NFATC1: variants seen among roughly 807,000 people sequenced by gnomAD.
The protein encoded by NFATC1 is nuclear factor of activated T-cells, cytoplasmic 1.
NFATC1 carries 22 observed loss-of-function variants against 76.0 expected under a neutral mutation model. The ratio of observed to expected loss-of-function variants is 0.29; its 90% CI spans 0.21 to 0.41. The LOEUF (loss-of-function observed/expected upper bound fraction) is 0.41. NFATC1 is among the 10% of genes least tolerant of loss of function. NFATC1 has a pLI of 1.00. For synonymous variants in NFATC1, 704 were observed against 613.1 expected, an observed-to-expected ratio of 1.15 and a Z score of -2.19; for missense variants, 1,357 against 1,337.7, an observed-to-expected ratio of 1.01 and a Z score of -0.23.
intron 9 of NFATC1, among the ~76,000 whole-genome samples, chr18:79,495,784 G>A (rs930622033): frequency 1.1e-4 from 16 of 151,786 alleles, no homozygotes; most frequent in African/African-American, 3.4e-4. Flanking sequence ...TCATTGTAAC[G>A]TAGGCAGGCC....
chr18:79,459,097 G>A (rs918197575), intron 6 of NFATC1, among the ~76,000 whole-genome samples: 1 of 152,244 alleles, frequency 6.6e-6, no homozygotes, highest in African/African-American at 2.4e-5. Flanking sequence ...AGGAAGGCAG[G>A]GATGTTTGTC....
chr18:79,402,719 G>A lies in NFATC1; in HGVS notation c.127+6368G>A, dbSNP rs534833579. ...GTTCTTTATGTATCTCATATGTTAC[G>A]TGTACATATTGTGTTTTCCCGTGAG... On this transcript the variant is annotated intron_variant, in intron 1 of 9. Transcript: ENST00000427363. Among the ~76,000 whole-genome samples the A allele has an allele frequency of 3.9e-5, 6 of 152,308 alleles. No individual in the cohort carries two copies. The South Asian group carries it at 8.3e-4, about 21-fold the overall frequency.
At chr18:79,478,200 C>T (rs111565371) in intron 8 of NFATC1, among the ~76,000 whole-genome samples, 2 of 150,916 alleles carry the variant, frequency 1.3e-5, no homozygotes, top group Non-Finnish European at 2.9e-5. Context: ...ACCAACCACA[C>T]AGGAAGCCAA....
intron 8 of NFATC1, among the ~76,000 whole-genome samples, chr18:79,484,989 A>G (rs939931444): frequency 5.9e-5 from 9 of 152,224 alleles, no homozygotes; most frequent in East Asian, 1.9e-4. Context: ...GAACAGCTGC[A>G]TGGACTCACG....
In NFATC1 at chr18:79,434,251, G is replaced by A. The variant is rs1422847373; in HGVS notation, c.1386+513G>A. On this transcript the variant is annotated intron_variant, in intron 3 of 9. Coordinates refer to ENST00000427363, the MANE Select transcript of NFATC1 (RefSeq NM_001278669.2). ...TGGGCCTGGCAGCCACATCCCTGCC[G>A]GGGTAGGCCTGGGCCTGGCAACCCT... Among the ~76,000 whole-genome samples, 7 of 152,170 alleles carry A rather than the reference G, an allele frequency of 4.6e-5. No individual in the cohort carries two copies. In the East Asian group the frequency reaches 7.7e-4, roughly 17 times the overall value.
intron 9 of NFATC1, among the ~76,000 whole-genome samples, chr18:79,505,765 C>A (rs547522995): frequency 1.4e-5 from 2 of 144,596 alleles, no homozygotes; most frequent in East Asian, 2.0e-4. Context: ...GTGGATGAGA[C>A]CCTTGGGTGA....
chr18:79,511,752 G>A lies in NFATC1; in HGVS notation c.2783-15776G>A, dbSNP rs560796507. 2.3e-3 allele frequency among the ~76,000 whole-genome samples: 356 copies of A among 152,176 alleles called. 1 individual carries two copies. The highest frequency in any genetic ancestry group is 8.0e-3 in the African/African-American group (333 of 41,556). On this transcript the variant is annotated intron_variant, in intron 9 of 9. Coordinates refer to ENST00000427363, the MANE Select transcript of NFATC1 (RefSeq NM_001278669.2). ...TGCGTGGTTTCGAGGCTCTCAGTGGGGGGCCAGCCGGTGAGGCACTGAGCT... is the reference window on the plus strand; with the variant it reads ...TGCGTGGTTTCGAGGCTCTCAGTGGAGGGCCAGCCGGTGAGGCACTGAGCT...
chr18:79,432,696 G>A (rs1165485663), intron 2 of NFATC1, among the ~76,000 whole-genome samples: 1 of 152,208 alleles, frequency 6.6e-6, no homozygotes, highest in Non-Finnish European at 1.5e-5. Flanking sequence ...TGGTGCACCG[G>A]GGCAGGCCAC....
At chr18:79,509,485 G>A (rs1246505978) in intron 9 of NFATC1, among the ~76,000 whole-genome samples, 4 of 152,224 alleles carry the variant, frequency 2.6e-5, no homozygotes, top group Non-Finnish European at 2.9e-5. Context: ...CGCAGATGCC[G>A]GCCCGGTGAT....
chr18:79,466,808 C>T (rs1472705480), intron 7 of NFATC1, among the ~76,000 whole-genome samples: 1 of 152,212 alleles, frequency 6.6e-6, no homozygotes, highest in Non-Finnish European at 1.5e-5. Context: ...CCAGAGACCG[C>T]GTCTCCAGGA....
At position 79,433,702 on chromosome 18, in the gene NFATC1, C is replaced by T. The variant is rs148386205; in HGVS notation, c.1350C>T (p.Ala450=). 166 of 1,613,030 alleles carry T rather than the reference C, an allele frequency of 1.0e-4. No individual in the cohort carries two copies. In the African/African-American group the frequency reaches 1.9e-3, roughly 19 times the overall value. ...AHYETEGSRG[A]VKASAGGHPI... is the part of the protein sequence containing the mutation. The stretch of plus-strand genomic sequence containing the variant: ...ACGAGACGGAGGGCAGCCGGGGGGC[C>T]GTGAAGGCGTCGGCCGGAGGACACC... The change falls in exon 3 of 10, where the codon GCC becomes GCT. Residue 450 remains alanine (A), a synonymous_variant. Transcript: ENST00000427363.
intron 7 of NFATC1, among the ~76,000 whole-genome samples, chr18:79,462,253 T>A (rs1051657729): frequency 6.6e-6 from 1 of 152,222 alleles, no homozygotes; most frequent in African/African-American, 2.4e-5. Context: ...AGGCAACGTC[T>A]TCTTGGGTGG....
chr18:79,403,864 C>T (rs1019225688), intron 1 of NFATC1, among the ~76,000 whole-genome samples: 1 of 152,228 alleles, frequency 6.6e-6, no homozygotes, highest in Admixed American at 6.5e-5. Flanking sequence ...GGCAGGAAAC[C>T]CGTGGCAGAG....
chr18:79,507,248 G>A (rs377008107), intron 9 of NFATC1, among the ~76,000 whole-genome samples: 5 of 152,228 alleles, frequency 3.3e-5, no homozygotes, highest in African/African-American at 9.6e-5. Flanking sequence ...CCTGGAAACC[G>A]CACGGCTCCC....
At chr18:79,453,934 C>A (rs2087581515) in intron 6 of NFATC1, among the ~76,000 whole-genome samples, 1 of 152,250 alleles carries the variant, frequency 6.6e-6, no homozygotes. Context: ...TGCTGATGTG[C>A]AGTGACAGGT....
chr18:79,411,562 G>A (rs2085686043), intron 2 of NFATC1, 61 bp downstream of exon 2: 9 of 1,238,940 alleles, frequency 7.3e-6, no homozygotes, highest in African/African-American at 1.6e-5. Flanking sequence ...GGGGCGGAAC[G>A]CGGGGAGCGG....
intron 8 of NFATC1, among the ~76,000 whole-genome samples, chr18:79,472,024 A>G (rs542232646): frequency 1.3e-4 from 20 of 152,298 alleles, no homozygotes; most frequent in African/African-American, 4.6e-4. Flanking sequence ...CCTGTTTGCA[A>G]TGGATTATTA....
chr18:79,519,459 A>G (rs1387755014), intron 9 of NFATC1, among the ~76,000 whole-genome samples: 2 of 152,062 alleles, frequency 1.3e-5, no homozygotes, highest in Non-Finnish European at 2.9e-5. Flanking sequence ...CAGCCTCCCA[A>G]GTAGCTGGGA....
At position 79,410,950 on chromosome 18, in the gene NFATC1, G is replaced by C; in HGVS notation, c.675G>C (p.Leu225=). The stretch of plus-strand genomic sequence containing the variant: ...CCGAGGAGGGCTTTCCCCGCGGGCT[G>C]GGGGCCTGCACACTGCTGGGTTCCC... ...TDPEEGFPRG[L]GACTLLGSPR... is the part of the protein sequence containing the mutation. The change falls in exon 2 of 10, where the codon CTG becomes CTC. Residue 225 remains leucine (L), a synonymous_variant. Transcript: ENST00000427363. This position sits in a 1 kb window ranked among gnomAD's most constrained non-coding sequence, Gnocchi z 6.7. 1 of 1,601,854 alleles carries C rather than the reference G, an allele frequency of 6.2e-7. No individual in the cohort carries two copies. The highest frequency in any genetic ancestry group is 8.5e-7 in the Non-Finnish European group (1 of 1,174,984).
Sources: gnomAD v4.1 joint callset for allele counts (sites outside exome capture counted in the v4.1 genomes callset) on GRCh38, gnomAD v4.1.1 for gene constraint, Gnocchi (gnomAD v3.1) non-coding constraint, MANE v1.5 for transcripts, NCBI Gene and HGNC (gene_info 2026-07-23, HGNC 2026-07-21) for gene names.